Variants in MALT1 observed in about 807,000 individuals in gnomAD.
MALT1 encodes mucosa-associated lymphoid tissue lymphoma translocation protein 1.
In MALT1, 36 loss-of-function variants were observed where a neutral mutation model predicts 85.5. The observed-to-expected ratio is 0.42, with a 90% confidence interval of 0.32 to 0.56. MALT1 has a LOEUF of 0.56. Ranked by LOEUF, MALT1 falls within the 20% of genes least tolerant of loss-of-function variation. MALT1 has a pLI of 0.10. For missense variants in MALT1, 716 were observed against 981.6 expected, an observed-to-expected ratio of 0.73 and a Z score of 3.62; for synonymous variants, 359 against 361.3, an observed-to-expected ratio of 0.99 and a Z score of 0.07.
intron 7 of MALT1, among the ~76,000 whole-genome samples, chr18:58,712,916 A>G (rs2054850816): frequency 6.6e-6 from 1 of 152,182 alleles, no homozygotes; most frequent in Admixed American, 6.5e-5. Context: ...GAATACATGT[A>G]TACAAATTTT....
chr18:58,721,899 G>T (rs1378555646), intron 9 of MALT1, among the ~76,000 whole-genome samples: 3 of 152,186 alleles, frequency 2.0e-5, no homozygotes, highest in Non-Finnish European at 4.4e-5. Context: ...GTCAGAGGGG[G>T]TGGCCTGCAG....
rs1269202345 is a variant in MALT1, at chr18:58,681,303, C to T, written c.343C>T (p.His115Tyr). The change falls in exon 2 of 17, where the codon CAC becomes TAC. Residue 115 changes from histidine to tyrosine, a missense_variant. His to Tyr is a moderately conservative substitution (Grantham distance 83). Coordinates refer to ENST00000649217, the MANE Select transcript of MALT1 (RefSeq NM_006785.4). ...ELSDFLQAME[H>Y]TEVLQLLSPP... ...GAGTGATTTCCTGCAGGCTATGGAA[C>T]ACACTGAAGTTCTTCAGCTTCTCAG... 2.5e-6 allele frequency: 4 copies of T among 1,613,906 alleles called. No homozygotes were observed. Among genetic ancestry groups the T allele is most frequent in the Non-Finnish European group, 3.4e-6 (4 of 1,179,948 alleles).
chr18:58,678,359 T>C (rs1028209801), intron 1 of MALT1, among the ~76,000 whole-genome samples: 4 of 152,252 alleles, frequency 2.6e-5, no homozygotes, highest in African/African-American at 9.6e-5. Context: ...GCTTTCAGCC[T>C]TGACAATTAT....
At chr18:58,705,438 A>G (rs530498172) in intron 4 of MALT1, among the ~76,000 whole-genome samples, 1 of 149,552 alleles carries the variant, frequency 6.7e-6, no homozygotes, top group South Asian at 2.2e-4. Context: ...CTCGTCATCT[A>G]GCATTAGGTA....
At chr18:58,691,821 C>G (rs910281084) in intron 2 of MALT1, among the ~76,000 whole-genome samples, 1 of 151,240 alleles carries the variant, frequency 6.6e-6, no homozygotes, top group African/African-American at 2.4e-5. Flanking sequence ...TGCCGTGAGC[C>G]GAGATTGCGC....
chr18:58,730,311 A>G (rs919282468), intron 10 of MALT1, among the ~76,000 whole-genome samples: 1 of 152,052 alleles, frequency 6.6e-6, no homozygotes, highest in Non-Finnish European at 1.5e-5. Context: ...AGTCACTCCC[A>G]TTCCTCCTTA....
chr18:58,678,590 AATT>A (rs2054275099), intron 1 of MALT1, among the ~76,000 whole-genome samples: 1 of 152,114 alleles, frequency 6.6e-6, no homozygotes. Flanking sequence ...TCTAAGGTGA[AATT>A]ATGTGAGATA....
chr18:58,705,106 T>C (rs1441047712), intron 4 of MALT1, among the ~76,000 whole-genome samples: 1 of 152,198 alleles, frequency 6.6e-6, no homozygotes. Flanking sequence ...TGTCTTAGTG[T>C]TATTTTTTAG....
chr18:58,734,288 C>T lies in MALT1; in HGVS notation c.1401-19C>T. On this transcript the variant is annotated intron_variant, in intron 11 of 16. Coordinates refer to ENST00000649217, the MANE Select transcript of MALT1 (RefSeq NM_006785.4). ...ACTTTTCATATTTCTATCTGCCCTC[C>T]TCCGCCTCCCTTAAATAGAAATGAC... 2 of 1,569,308 alleles carry T rather than the reference C, an allele frequency of 1.3e-6. No individual in the cohort carries two copies. Among genetic ancestry groups the T allele is most frequent in the Non-Finnish European group, 1.8e-6 (2 of 1,139,266 alleles).
intron 2 of MALT1, among the ~76,000 whole-genome samples, chr18:58,695,719 T>G (rs558433298): frequency 1.5e-4 from 23 of 152,354 alleles, no homozygotes; most frequent in African/African-American, 5.1e-4. Context: ...GTTTTCTTGC[T>G]GTGTCCTCAC....
intron 13 of MALT1, 78 bp from the exon 14 acceptor site, chr18:58,741,787 A>G (rs1197134303): frequency 2.4e-6 from 2 of 820,516 alleles, no homozygotes; most frequent in East Asian, 5.4e-5. Context: ...CTGATAATGT[A>G]GGATAGTTCT....
chr18:58,679,793 C>T (rs1008805996), intron 1 of MALT1, among the ~76,000 whole-genome samples: 1 of 152,154 alleles, frequency 6.6e-6, no homozygotes, highest in African/African-American at 2.4e-5. Context: ...ATGAGATCCG[C>T]GTGCCTTGGC....
At position 58,747,325 on chromosome 18, in the gene MALT1, G is replaced by T. The variant is rs554760783; in HGVS notation, c.2038-80G>T. 4.1e-5 allele frequency: 36 copies of T among 870,548 alleles called. No homozygotes were observed. The South Asian group carries it at 5.4e-4, about 13-fold the overall frequency. The allele number at this position is 870,548 out of a possible 1,614,324, so 53.9% of individuals were successfully genotyped here. ...AGTGAGTGGATTTTTGGGGGTGGGG[G>T]TGTGTATGTGTGAATATTTTCAGAT... On this transcript the variant is annotated intron_variant, in intron 16 of 16. Coordinates refer to ENST00000649217, the MANE Select transcript of MALT1 (RefSeq NM_006785.4).
rs567205027 is a variant in MALT1 at position 58,744,459 on chromosome 18, A to G, written c.1875A>G (p.Ile625Met). The G allele has an allele frequency of 2.2e-5, 35 of 1,606,976 alleles. No individual in the cohort carries two copies. Among genetic ancestry groups the G allele is most frequent in the Admixed American group, 1.2e-4 (7 of 59,216 alleles). Reference sequence around the variant, plus strand: ...GTATAGTTTACAAACCACCGGAGATAATAATGTGTGATGCCTACGTTACTG... The same window carrying G: ...GTATAGTTTACAAACCACCGGAGATGATAATGTGTGATGCCTACGTTACTG... Reference protein sequence around the residue: ...YTSIVYKPPEIIMCDAYVTDF... With the variant: ...YTSIVYKPPEMIMCDAYVTDF... Residue 625 changes from isoleucine (I) to methionine (M), a missense_variant, in exon 15 of 17, where the codon ATA becomes ATG. By Grantham distance (10) the Ile-to-Met change is conservative (BLOSUM62 1). Coordinates refer to ENST00000649217, the MANE Select transcript of MALT1 (RefSeq NM_006785.4).
At chr18:58,744,061 TGAG>T (rs1443079232) in intron 14 of MALT1, among the ~76,000 whole-genome samples, 1 of 138,832 alleles carries the variant, frequency 7.2e-6, no homozygotes, top group Admixed American at 7.0e-5. Flanking sequence ...TCATATAAAT[TGAG>T]GCAACAGTGA....
intron 1 of MALT1, among the ~76,000 whole-genome samples, chr18:58,673,059 C>G (rs1371637415): frequency 1.3e-5 from 2 of 152,128 alleles, no homozygotes; most frequent in Non-Finnish European, 2.9e-5. Context: ...TCTCAAATGA[C>G]AAAGATTTGT....
At chr18:58,689,627 CAG>C (rs1438713723) in intron 2 of MALT1, among the ~76,000 whole-genome samples, 1 of 151,948 alleles carries the variant, frequency 6.6e-6, no homozygotes, top group Non-Finnish European at 1.5e-5. Context: ...CAGTAAGAAA[CAG>C]GGATTTTAGA....
intron 4 of MALT1, among the ~76,000 whole-genome samples, chr18:58,702,708 A>T (rs1009191861): frequency 2.6e-5 from 4 of 152,216 alleles, no homozygotes; most frequent in Non-Finnish European, 5.9e-5. Flanking sequence ...CTAAAAAATG[A>T]TCTTGTGGAA....
At chr18:58,683,314 T>G (rs938574175) in intron 2 of MALT1, among the ~76,000 whole-genome samples, 4 of 152,234 alleles carry the variant, frequency 2.6e-5, no homozygotes, top group Admixed American at 6.5e-5. Flanking sequence ...TGTATTTCAT[T>G]CTCTTTTTCA....
Sources: allele counts gnomAD v4.1 joint callset (sites outside exome capture counted in the v4.1 genomes callset), GRCh38; gene constraint gnomAD v4.1.1; transcripts MANE v1.5; gene names NCBI Gene and HGNC (gene_info 2026-07-23, HGNC 2026-07-21).